The following RBMS1 variants were observed in gnomAD, a reference collection of about 807,000 sequenced individuals.
The protein encoded by RBMS1 is RNA binding motif single stranded interacting protein 1.
RBMS1 carries 17 observed loss-of-function variants against 62.3 expected under a neutral mutation model. The observed-to-expected ratio is 0.27, with a 90% CI of 0.19 to 0.41. The LOEUF is 0.41. Ranked by LOEUF, RBMS1 falls within the 10% of genes least tolerant of loss-of-function variation. The pLI is 1.00. For synonymous variants in RBMS1, 172 were observed against 170.0 expected, an observed-to-expected ratio of 1.01 and a Z score of -0.09; for missense variants, 334 against 504.5, an observed-to-expected ratio of 0.66 and a Z score of 3.24.
chr2:160,374,645 AT>A (rs1693899101), intron 1 of RBMS1, among the ~76,000 whole-genome samples: 1 of 152,102 alleles, frequency 6.6e-6, no homozygotes, highest in South Asian at 2.1e-4. Flanking sequence ...AATAAAAAAA[AT>A]TGGCTGGGCA....
chr2:160,434,562 A>T (rs1014131621), intron 1 of RBMS1, among the ~76,000 whole-genome samples: 2 of 152,164 alleles, frequency 1.3e-5, no homozygotes, highest in East Asian at 3.8e-4. Context: ...ATTTTCTGTG[A>T]CGATGAAAAT....
intron 1 of RBMS1, among the ~76,000 whole-genome samples, chr2:160,475,537 C>T (rs1384178265): frequency 2.6e-5 from 4 of 152,220 alleles, no homozygotes; most frequent in Non-Finnish European, 4.4e-5. Flanking sequence ...TAAAAGCACT[C>T]GTATTTTGCT....
intron 3 of RBMS1, among the ~76,000 whole-genome samples, chr2:160,313,590 A>T (rs888869494): frequency 6.6e-6 from 1 of 152,184 alleles, no homozygotes; most frequent in African/African-American, 2.4e-5. Flanking sequence ...AAGAAAAAAA[A>T]TAATCAACTT....
At chr2:160,311,858 G>T (rs144948804) in intron 4 of RBMS1, among the ~76,000 whole-genome samples, 12 of 152,272 alleles carry the variant, frequency 7.9e-5, no homozygotes, top group African/African-American at 2.9e-4. Context: ...CTTAATAACT[G>T]CACTGTAGTC....
rs1574245102 is a variant in RBMS1 at position 160,303,234 on chromosome 2, A to G, written c.560+96T>C. The G allele has an allele frequency of 3.1e-6, 4 of 1,306,156 alleles. No homozygotes were observed. In the East Asian group the frequency reaches 7.6e-5, roughly 25 times the overall value. The allele number at this position is 1,306,156 out of a possible 1,614,324, so 80.9% of individuals were successfully genotyped here. On this transcript the variant is annotated intron_variant, in intron 5 of 13. Transcript: ENST00000348849. ...ACAGTGCAACTGCTCCCATAACCCT[A>G]GCTGAAACTGTCTCTTCTTAGTCAT...
At chr2:160,484,737 G>A (rs1685524590) in intron 1 of RBMS1, among the ~76,000 whole-genome samples, 1 of 151,366 alleles carries the variant, frequency 6.6e-6, no homozygotes, top group Admixed American at 6.6e-5. Context: ...CGGGCATGGT[G>A]GCGGGCGCCT....
intron 1 of RBMS1, among the ~76,000 whole-genome samples, chr2:160,437,694 T>C (rs202175505): frequency 1.3e-5 from 2 of 152,372 alleles, no homozygotes; most frequent in East Asian, 3.9e-4. Flanking sequence ...TAAGAATGTA[T>C]AACATAGATG....
rs770886986 is a variant in RBMS1, at chr2:160,493,371, G to T, written c.-8C>A. On this transcript the variant is annotated 5_prime_UTR_variant, in exon 1 of 14. Transcript: ENST00000348849. ...TTTCCACACTTTGCCCATGAAGCTG[G>T]AAGGGAGCCTGCCGTGCAGGGTCGC... 6.2e-7 allele frequency: 1 copy of T among 1,613,070 alleles called. No individual in the cohort carries two copies. Among genetic ancestry groups the T allele is most frequent in the South Asian group, 1.1e-5 (1 of 91,062 alleles).
At chr2:160,388,861 T>C (rs1241682444) in intron 1 of RBMS1, among the ~76,000 whole-genome samples, 1 of 152,224 alleles carries the variant, frequency 6.6e-6, no homozygotes, top group East Asian at 1.9e-4. Flanking sequence ...GATAAACAAA[T>C]TGCTGGGATG....
At chr2:160,462,420 A>G (rs1477496362) in intron 1 of RBMS1, among the ~76,000 whole-genome samples, 3 of 152,176 alleles carry the variant, frequency 2.0e-5, no homozygotes, top group Non-Finnish European at 4.4e-5. Context: ...GAGGTGAAGA[A>G]AGAAGAAAAG....
intron 6 of RBMS1, among the ~76,000 whole-genome samples, chr2:160,291,209 C>T (rs1213327788): frequency 1.3e-5 from 2 of 152,188 alleles, no homozygotes; most frequent in African/African-American, 4.8e-5. Flanking sequence ...TTTTCCCTGT[C>T]AGATGCTGAC....
chr2:160,429,355 C>A (rs1016422218), intron 1 of RBMS1, among the ~76,000 whole-genome samples: 2 of 152,098 alleles, frequency 1.3e-5, no homozygotes, highest in African/African-American at 4.8e-5. Context: ...AAGAACAGGT[C>A]ATTTTTGAAA....
intron 6 of RBMS1, among the ~76,000 whole-genome samples, chr2:160,299,928 T>C (rs765455820): frequency 6.6e-6 from 1 of 152,174 alleles, no homozygotes; most frequent in Non-Finnish European, 1.5e-5. Flanking sequence ...TTTGGCTGCA[T>C]GGATATAACA....
In RBMS1 at chr2:160,274,519, GTTTTTTGT is replaced by G. The variant is rs1195531708; in HGVS notation, c.*245_*252del. On this transcript the variant is annotated 3_prime_UTR_variant, in exon 14 of 14. Transcript: ENST00000348849. ...CATTTGATAAAAATCTTTTGTTTTT[GTTTTTTGT>G]TTTTTTTTTTTTACTAAAATAAACC... is the stretch of plus-strand genomic sequence containing the variant. The G allele has an allele frequency of 1.0e-5, 1 of 96,386 alleles. No homozygotes were observed. The highest frequency in any genetic ancestry group is 1.0e-4 in the Admixed American group (1 of 9,894). 6.0% of individuals were successfully genotyped at this position (96,386 alleles called of 1,614,324 possible). A position where few individuals can be genotyped will look rare whatever the true frequency, so the allele number is the denominator to read the frequency against.
At chr2:160,311,224 CTATCTATCTATATATATA>C (rs1689855130) in intron 4 of RBMS1, among the ~76,000 whole-genome samples, 1 of 56,634 alleles carries the variant, frequency 1.8e-5, no homozygotes, top group Non-Finnish European at 3.6e-5. Context: ...ATCTATCTAT[CTATCTATCTATATATATA>C]TATATATATA....
At chr2:160,422,015 G>T (rs879743309) in intron 1 of RBMS1, among the ~76,000 whole-genome samples, 3 of 152,142 alleles carry the variant, frequency 2.0e-5, no homozygotes, top group African/African-American at 4.8e-5. Flanking sequence ...CTTTCAAGAA[G>T]AACTACTGTG....
chr2:160,426,285 G>GAAAGAAAGAAAGAAAGA (rs1395046461), intron 1 of RBMS1, among the ~76,000 whole-genome samples: 2 of 100,218 alleles, frequency 2.0e-5, no homozygotes, highest in East Asian at 2.8e-4. Context: ...AAGAAAGAAA[G>GAAAGAAAGAAAGAAAGA]AAAGAAAAGA....
chr2:160,354,556 C>T (rs1692691287), intron 2 of RBMS1, among the ~76,000 whole-genome samples: 1 of 152,110 alleles, frequency 6.6e-6, no homozygotes. Context: ...GGCTAGCAGG[C>T]CCAATTTGTT....
At chr2:160,452,254 C>T (rs1684022156) in intron 1 of RBMS1, among the ~76,000 whole-genome samples, 1 of 152,064 alleles carries the variant, frequency 6.6e-6, no homozygotes, top group South Asian at 2.1e-4. Flanking sequence ...CAGGAAATCC[C>T]AAAGTCCTCA....
Sources: gnomAD v4.1 joint callset for allele counts (sites outside exome capture counted in the v4.1 genomes callset) on GRCh38, gnomAD v4.1.1 for gene constraint, MANE v1.5 for transcripts, NCBI Gene and HGNC (gene_info 2026-07-23, HGNC 2026-07-21) for gene names.